The following HSD17B4 variants were observed in gnomAD, a reference collection of about 807,000 sequenced individuals.
HSD17B4 encodes peroxisomal multifunctional enzyme type 2.
Under a neutral mutation model 101.0 loss-of-function variants are expected in HSD17B4, and 70 were observed. The observed-to-expected ratio is 0.69, with a 90% CI of 0.57 to 0.85. The LOEUF is 0.85. Ranked by LOEUF, HSD17B4 falls within the 40% of genes least tolerant of loss-of-function variation. The probability of loss-of-function intolerance (pLI) is 0.00; values close to 1 mark genes in which losing one functional copy is unlikely to be tolerated. For missense variants in HSD17B4, 984 were observed against 892.4 expected, an observed-to-expected ratio of 1.10 and a Z score of -1.31; for synonymous variants, 347 against 297.1, an observed-to-expected ratio of 1.17 and a Z score of -1.73.
At chr5:119,518,743 A>G (rs1344614292) in intron 17 of HSD17B4, among the ~76,000 whole-genome samples, 2 of 152,194 alleles carry the variant, frequency 1.3e-5, no homozygotes, top group African/African-American at 2.4e-5. Context: ...TAACTTTTCA[A>G]TCATTAAGAA....
intron 17 of HSD17B4, among the ~76,000 whole-genome samples, chr5:119,520,461 A>C (rs954388883): frequency 6.6e-6 from 1 of 152,196 alleles, no homozygotes; most frequent in African/African-American, 2.4e-5. Flanking sequence ...CCTCTTCAGT[A>C]CACACAAATT....
chr5:119,521,991 G>A (rs1242795916), intron 17 of HSD17B4, among the ~76,000 whole-genome samples: 6 of 151,580 alleles, frequency 4.0e-5, no homozygotes, highest in Non-Finnish European at 8.8e-5. Flanking sequence ...CAATGTGCAG[G>A]TTTGTTACAT....
intron 14 of HSD17B4, among the ~76,000 whole-genome samples, chr5:119,506,125 T>TC (rs1216935468): frequency 6.6e-6 from 1 of 152,142 alleles, no homozygotes; most frequent in African/African-American, 2.4e-5. Flanking sequence ...CATCAACCCG[T>TC]CACCTATATT....
intron 2 of HSD17B4, among the ~76,000 whole-genome samples, chr5:119,469,920 C>A (rs257974): frequency 0.38 from 57,001 of 151,922 alleles, 12,569 homozygotes; most frequent in East Asian, 0.5. Flanking sequence ...CATGGTTTTG[C>A]TGGGAACAGG....
At chr5:119,534,372 A>G (rs983365326) in intron 22 of HSD17B4, among the ~76,000 whole-genome samples, 1 of 146,958 alleles carries the variant, frequency 6.8e-6, no homozygotes, top group African/African-American at 2.7e-5. Context: ...AGCCTCCATT[A>G]TGTACTATAT....
Position 119,531,303 on chromosome 5 carries a change from T to C in HSD17B4, c.1892T>C (p.Ile631Thr). 2.5e-6 allele frequency: 4 copies of C among 1,613,572 alleles called. No homozygotes were observed. Among genetic ancestry groups the C allele is most frequent in the Admixed American group, 1.7e-5 (1 of 59,928 alleles). Residue 631 changes from isoleucine to threonine, a missense_variant, in exon 22 of 24, where the codon ATA becomes ACA. Transcript: ENST00000510025. ...KLQSTFVFEE[I>T]GRRLKDIGPE... Reference sequence around the variant, plus strand: ...CAGAGTACCTTTGTATTTGAGGAAATAGGACGCCGCCTAAAGGATATTGGG... The same window carrying C: ...CAGAGTACCTTTGTATTTGAGGAAACAGGACGCCGCCTAAAGGATATTGGG...
intron 14 of HSD17B4, among the ~76,000 whole-genome samples, chr5:119,503,010 G>A (rs1461224096): frequency 6.6e-6 from 1 of 151,776 alleles, no homozygotes; most frequent in South Asian, 2.1e-4. Flanking sequence ...AAAATCACCC[G>A]AGTTATTACA....
At chr5:119,462,705 A>G (rs919322541) in intron 2 of HSD17B4, among the ~76,000 whole-genome samples, 5 of 152,264 alleles carry the variant, frequency 3.3e-5, no homozygotes, top group East Asian at 1.9e-4. Context: ...GCATGTACCA[A>G]TGATTTTCTT....
intron 22 of HSD17B4, among the ~76,000 whole-genome samples, chr5:119,533,978 A>G (rs1334528172): frequency 6.7e-6 from 1 of 149,772 alleles, no homozygotes; most frequent in Non-Finnish European, 1.5e-5. Context: ...TATACTTTCA[A>G]ATAGAAATAT....
chr5:119,521,932 A>T (rs1452905147), intron 17 of HSD17B4, among the ~76,000 whole-genome samples: 5 of 148,110 alleles, frequency 3.4e-5, no homozygotes, highest in Admixed American at 2.0e-4. Context: ...TTTTTTTTTT[A>T]AATATATATG....
chr5:119,463,155 G>T (rs1055237352), intron 2 of HSD17B4, among the ~76,000 whole-genome samples: 12 of 152,182 alleles, frequency 7.9e-5, no homozygotes, highest in African/African-American at 2.6e-4. Flanking sequence ...TTTCCTCCAG[G>T]CTCATCCATG....
chr5:119,462,771 C>A (rs1755396118), intron 2 of HSD17B4, among the ~76,000 whole-genome samples: 1 of 152,114 alleles, frequency 6.6e-6, no homozygotes, highest in African/African-American at 2.4e-5. Context: ...GTGATATTTT[C>A]ATACCTTTAT....
intron 13 of HSD17B4, 121 bp downstream of exon 13, chr5:119,499,674 G>A (rs1228241277): frequency 1.9e-6 from 1 of 520,446 alleles, no homozygotes; most frequent in African/African-American, 2.0e-5. Context: ...ATTATTTATA[G>A]TGGTTAGTTT....
intron 23 of HSD17B4, among the ~76,000 whole-genome samples, chr5:119,541,281 T>C (rs911301247): frequency 1.3e-5 from 2 of 152,144 alleles, no homozygotes; most frequent in African/African-American, 4.8e-5. Context: ...ATTACTTTAT[T>C]TAACACGCAC....
chr5:119,489,147 GA>G (rs1265753079), intron 8 of HSD17B4, 44 bp from the exon 9 acceptor site: 25 of 1,297,768 alleles, frequency 1.9e-5, no homozygotes, highest in Non-Finnish European at 2.8e-5. Flanking sequence ...GAAATTCTTA[GA>G]AAGTAAAATG....
At chr5:119,520,179 A>G (rs1297810165) in intron 17 of HSD17B4, among the ~76,000 whole-genome samples, 1 of 151,312 alleles carries the variant, frequency 6.6e-6, no homozygotes, top group Admixed American at 6.6e-5. Flanking sequence ...ACAATGATTT[A>G]TTATTTTCCA....
intron 17 of HSD17B4, among the ~76,000 whole-genome samples, chr5:119,516,403 A>C (rs1051168648): frequency 6.6e-6 from 1 of 152,206 alleles, no homozygotes; most frequent in Non-Finnish European, 1.5e-5. Flanking sequence ...AATAGTTTCC[A>C]AGGTTTGAAT....
At chr5:119,541,850 A>T in intron 23 of HSD17B4, 55 bp from the exon 24 acceptor site, 1 of 1,072,956 alleles carries the variant, frequency 9.3e-7, no homozygotes, top group Admixed American at 1.8e-5. Flanking sequence ...AAAAAAAAAG[A>T]AATAAACTAT....
chr5:119,504,520 T>A (rs1490268892), intron 14 of HSD17B4, among the ~76,000 whole-genome samples: 1 of 152,232 alleles, frequency 6.6e-6, no homozygotes, highest in African/African-American at 2.4e-5. Flanking sequence ...GATTTGCATT[T>A]CTCTGATGAT....
Sources: allele counts gnomAD v4.1 joint callset (sites outside exome capture counted in the v4.1 genomes callset), GRCh38; gene constraint gnomAD v4.1.1; transcripts MANE v1.5; gene names NCBI Gene and HGNC (gene_info 2026-07-23, HGNC 2026-07-21).